The following PPFIA2 variants were observed in gnomAD, a reference collection of about 807,000 sequenced individuals.
The protein encoded by PPFIA2 is liprin-alpha-2.
Under a neutral mutation model 175.5 loss-of-function variants are expected in PPFIA2, and 46 were observed. The ratio of observed to expected loss-of-function variants is 0.26; its 90% confidence interval spans 0.21 to 0.34. PPFIA2 has a LOEUF of 0.34. Ranked by LOEUF, PPFIA2 falls within the 10% of genes least tolerant of loss-of-function variation. PPFIA2 has a pLI of 1.00. For missense variants in PPFIA2, 1,179 were observed against 1,506.1 expected (o/e 0.78, Z 3.60); for synonymous variants, 568 against 511.4 (o/e 1.11, Z -1.49).
rs575952676 is a variant in PPFIA2 at position 81,388,889 on chromosome 12, T to C, written c.763-4645A>G. On this transcript the variant is annotated intron_variant, in intron 8 of 32. Coordinates refer to ENST00000549396, the MANE Select transcript of PPFIA2 (RefSeq NM_003625.5). ...AATCAGAACATATAAATCAACAGGA[T>C]AAAATTATATATGACGCATGGTATA... Among the ~76,000 whole-genome samples, 68 of 151,586 alleles carry C rather than the reference T, an allele frequency of 4.5e-4. No individual in the cohort carries two copies. In the South Asian group the frequency reaches 0.014, roughly 30 times the overall value.
intron 7 of PPFIA2, among the ~76,000 whole-genome samples, chr12:81,424,336 G>A (rs2046787104): frequency 2.0e-5 from 3 of 151,998 alleles, no homozygotes; most frequent in Non-Finnish European, 4.4e-5. Context: ...AATGGGATTT[G>A]CTACTTTAGC....
At chr12:81,461,420 G>A (rs931101755) in intron 4 of PPFIA2, among the ~76,000 whole-genome samples, 1 of 152,080 alleles carries the variant, frequency 6.6e-6, no homozygotes, top group Non-Finnish European at 1.5e-5. Flanking sequence ...ATTATCATCC[G>A]TCTAACTATC....
At chr12:81,526,144 C>T (rs1410557578) in intron 4 of PPFIA2, among the ~76,000 whole-genome samples, 3 of 152,136 alleles carry the variant, frequency 2.0e-5, no homozygotes, top group Non-Finnish European at 4.4e-5. Context: ...AATTAATCTC[C>T]TACCTTCAGA....
At chr12:81,497,234 AATG>A (rs2060115634) in intron 4 of PPFIA2, among the ~76,000 whole-genome samples, 1 of 152,120 alleles carries the variant, frequency 6.6e-6, no homozygotes, top group Non-Finnish European at 1.5e-5. Flanking sequence ...GATAAATTAA[AATG>A]ATAATAGAAG....
intron 4 of PPFIA2, among the ~76,000 whole-genome samples, chr12:81,649,854 G>A (rs2066743311): frequency 6.6e-6 from 1 of 152,122 alleles, no homozygotes; most frequent in South Asian, 2.1e-4. Context: ...ACAAAAAGTA[G>A]ATCAATGGTT....
At chr12:81,592,662 C>CT (rs1285966084) in intron 4 of PPFIA2, among the ~76,000 whole-genome samples, 2 of 152,142 alleles carry the variant, frequency 1.3e-5, no homozygotes, top group African/African-American at 4.8e-5. Context: ...TCCTCTTTGC[C>CT]TTCCACCGTG....
chr12:81,702,792 T>C (rs1331567093), intron 3 of PPFIA2, among the ~76,000 whole-genome samples: 1 of 152,158 alleles, frequency 6.6e-6, no homozygotes, highest in East Asian at 1.9e-4. Context: ...TAATTAGGTT[T>C]AGATATGATT....
At chr12:81,563,491 A>G (rs773136727) in intron 4 of PPFIA2, among the ~76,000 whole-genome samples, 1 of 152,146 alleles carries the variant, frequency 6.6e-6, no homozygotes. Flanking sequence ...ACTCATTGCA[A>G]TCTGGTTTCC....
intron 4 of PPFIA2, among the ~76,000 whole-genome samples, chr12:81,468,076 C>G (rs1257211850): frequency 6.6e-6 from 1 of 152,152 alleles, no homozygotes; most frequent in East Asian, 1.9e-4. Flanking sequence ...TGCTCCATCT[C>G]CCCTTCATTT....
chr12:81,480,974 T>C (rs550528049), intron 4 of PPFIA2, among the ~76,000 whole-genome samples: 2 of 152,292 alleles, frequency 1.3e-5, no homozygotes, highest in South Asian at 2.1e-4. Flanking sequence ...ATGACATAAT[T>C]GTATATTTGG....
chr12:81,411,661 T>C (rs1210128607), intron 7 of PPFIA2, among the ~76,000 whole-genome samples: 1 of 152,056 alleles, frequency 6.6e-6, no homozygotes, highest in Admixed American at 6.6e-5. Context: ...TGAACAACTG[T>C]TTTTCTTTGA....
At chr12:81,301,045 C>T (rs2047704979) in intron 22 of PPFIA2, among the ~76,000 whole-genome samples, 1 of 151,984 alleles carries the variant, frequency 6.6e-6, no homozygotes, top group Non-Finnish European at 1.5e-5. Flanking sequence ...GGTGATGTAC[C>T]TTGTGAAGTA....
At chr12:81,595,281 T>C (rs1030282338) in intron 4 of PPFIA2, among the ~76,000 whole-genome samples, 5 of 150,790 alleles carry the variant, frequency 3.3e-5, no homozygotes, top group Non-Finnish European at 7.4e-5. Flanking sequence ...ATATATATGT[T>C]TGTTTTAAAG....
At chr12:81,482,122 C>G (rs1368415899) in intron 4 of PPFIA2, among the ~76,000 whole-genome samples, 1 of 151,244 alleles carries the variant, frequency 6.6e-6, no homozygotes, top group Non-Finnish European at 1.5e-5. Context: ...ATGCGGCCAA[C>G]AAACATGAAA....
intron 4 of PPFIA2, among the ~76,000 whole-genome samples, chr12:81,469,818 C>T (rs553620393): frequency 1.3e-5 from 2 of 152,268 alleles, no homozygotes; most frequent in East Asian, 3.9e-4. Context: ...GTTGGGAAAT[C>T]ATTAGGTTTA....
intron 8 of PPFIA2, among the ~76,000 whole-genome samples, chr12:81,402,885 ACTT>A (rs1221320895): frequency 6.6e-6 from 1 of 152,146 alleles, no homozygotes; most frequent in Admixed American, 6.6e-5. Flanking sequence ...CATAAATAAA[ACTT>A]CTTATTACAA....
At chr12:81,414,231 C>T (rs1007663566) in intron 7 of PPFIA2, among the ~76,000 whole-genome samples, 4 of 151,646 alleles carry the variant, frequency 2.6e-5, no homozygotes, top group African/African-American at 9.7e-5. Flanking sequence ...TCATTGCATA[C>T]ACAATTTAAA....
chr12:81,395,814 T>C (rs1048799680), intron 8 of PPFIA2, among the ~76,000 whole-genome samples: 1 of 152,034 alleles, frequency 6.6e-6, no homozygotes, highest in Non-Finnish European at 1.5e-5. Context: ...TTCCTTTAAT[T>C]TGTCAGTCCC....
intron 4 of PPFIA2, among the ~76,000 whole-genome samples, chr12:81,464,478 G>A (rs976958040): frequency 6.6e-6 from 1 of 152,090 alleles, no homozygotes; most frequent in Admixed American, 6.6e-5. Context: ...ACTCTTTTGT[G>A]CTGACTTCTA....
Sources: allele counts gnomAD v4.1 joint callset (sites outside exome capture counted in the v4.1 genomes callset), GRCh38; gene constraint gnomAD v4.1.1; transcripts MANE v1.5; gene names NCBI Gene and HGNC (gene_info 2026-07-23, HGNC 2026-07-21).